MDM1: variants seen among roughly 807,000 people sequenced by gnomAD.
MDM1 encodes the protein Mdm1 nuclear protein.
A neutral mutation model predicts 89.1 loss-of-function variants in MDM1; 61 were observed. The ratio of observed to expected loss-of-function variants is 0.68; its 90% CI spans 0.56 to 0.85. MDM1 has a LOEUF of 0.85. Among genes scored for constraint, MDM1 ranks in the 40% least tolerant of loss-of-function variants. The pLI is 0.00. For synonymous variants in MDM1, 290 were observed against 294.1 expected (o/e 0.99, Z 0.14); for missense variants, 820 against 846.5 (o/e 0.97, Z 0.39).
intron 12 of MDM1, 114 bp from the exon 13 acceptor site, chr12:68,302,986 G>A: frequency 9.0e-6 from 5 of 553,376 alleles, no homozygotes; most frequent in East Asian, 3.6e-5. Flanking sequence ...AGAAATATGA[G>A]AGAATTTATG....
Position 68,325,474 on chromosome 12 carries a change from A to G in MDM1, c.600T>C (p.Ser200=), listed in dbSNP as rs774072229. 5.0e-5 allele frequency: 79 copies of G among 1,595,786 alleles called. No individual in the cohort carries two copies. Among genetic ancestry groups the G allele is most frequent in the Non-Finnish European group, 6.7e-5 (79 of 1,172,398 alleles). The change falls in exon 4 of 15, where the codon TCT becomes TCC. Residue 200 remains serine (S), a synonymous_variant. Coordinates refer to ENST00000682720, the MANE Select transcript of MDM1 (RefSeq NM_001354969.2). Reference sequence around the variant, plus strand: ...CTGCAAAAGCTGGAGCAGTTTCTTTAGAAGTCTTCCAAACAAACTGCCTTT... The same window carrying G: ...CTGCAAAAGCTGGAGCAGTTTCTTTGGAAGTCTTCCAAACAAACTGCCTTT... ...EYQRQFVWKT[S]KETAPAFAAN...
intron 5 of MDM1, 29 bp from the exon 6 acceptor site, chr12:68,321,657 T>TAAAAA: frequency 4.9e-6 from 7 of 1,419,584 alleles, no homozygotes; most frequent in Middle Eastern, 2.4e-4. Flanking sequence ...AAGCTTTTTA[T>TAAAAA]GCTTAAGATG....
chr12:68,315,028 T>C lies in MDM1; in HGVS notation c.1449A>G (p.Lys483=), dbSNP rs778778660. Residue 483 remains lysine (K), a synonymous_variant, in exon 10 of 15, where the codon AAA becomes AAG. Transcript: ENST00000682720. ...CTCCCATAAAAGCCTGCTTGCCCGTTTTCCTGTCCCCTTCCTCTTCATTGT... is the reference window on the plus strand; with the variant it reads ...CTCCCATAAAAGCCTGCTTGCCCGTCTTCCTGTCCCCTTCCTCTTCATTGT... ...EDDNEEEGDR[K]TGKQAFMGEQ... 1.2e-5 allele frequency: 20 copies of C among 1,614,154 alleles called. No individual in the cohort carries two copies. Among genetic ancestry groups the C allele is most frequent in the Non-Finnish European group, 1.7e-5 (20 of 1,180,024 alleles).
At chr12:68,308,756 A>C (rs189172209) in intron 12 of MDM1, among the ~76,000 whole-genome samples, 93 of 152,320 alleles carry the variant, frequency 6.1e-4, no homozygotes, top group Admixed American at 4.7e-3. Flanking sequence ...TAAATATTGA[A>C]TTGAATGAAT....
At chr12:68,317,765 G>GA (rs749648977) in intron 7 of MDM1, among the ~76,000 whole-genome samples, 4 of 152,106 alleles carry the variant, frequency 2.6e-5, no homozygotes, top group African/African-American at 4.8e-5. Flanking sequence ...TAACTCTACT[G>GA]AACTTCTAAC....
At chr12:68,315,557 A>G (rs1433454618) in intron 9 of MDM1, among the ~76,000 whole-genome samples, 1 of 152,204 alleles carries the variant, frequency 6.6e-6, no homozygotes, top group Non-Finnish European at 1.5e-5. Flanking sequence ...CCTAGCCCTA[A>G]ACTGGCATTT....
At chr12:68,324,060 T>A (rs1875610853) in intron 4 of MDM1, among the ~76,000 whole-genome samples, 1 of 152,132 alleles carries the variant, frequency 6.6e-6, no homozygotes, top group African/African-American at 2.4e-5. Context: ...AGCTCTTCAA[T>A]CCATAGACTC....
chr12:68,324,042 T>C (rs1875609415), intron 4 of MDM1, among the ~76,000 whole-genome samples: 1 of 152,166 alleles, frequency 6.6e-6, no homozygotes, highest in African/African-American at 2.4e-5. Flanking sequence ...CATTGAAAGC[T>C]GTCTCAAAGC....
chr12:68,308,934 G>A (rs944364246), intron 12 of MDM1, among the ~76,000 whole-genome samples: 2 of 152,086 alleles, frequency 1.3e-5, no homozygotes, highest in African/African-American at 4.8e-5. Context: ...TTACATAATT[G>A]TGCAGTTTCA....
intron 12 of MDM1, among the ~76,000 whole-genome samples, chr12:68,305,783 T>C (rs1845801017): frequency 6.6e-6 from 1 of 152,142 alleles, no homozygotes. Context: ...TCCACGCCCA[T>C]GGATCGGAAG....
intron 11 of MDM1, 32 bp from the exon 12 acceptor site, chr12:68,313,584 A>G: frequency 6.2e-7 from 1 of 1,607,908 alleles, no homozygotes; most frequent in Non-Finnish European, 8.5e-7. Context: ...TTTCAATTAC[A>G]CTAAATTAAC....
Position 68,323,218 on chromosome 12 carries a change from A to T in MDM1, c.656T>A (p.Phe219Tyr), listed in dbSNP as rs1391974027. The T allele has an allele frequency of 6.3e-7, 1 of 1,584,186 alleles. No homozygotes were observed. Among genetic ancestry groups the T allele is most frequent in the Non-Finnish European group, 8.5e-7 (1 of 1,170,988 alleles). Residue 219 changes from phenylalanine (F) to tyrosine (Y), a missense_variant, in exon 5 of 15, where the codon TTT becomes TAT. Phe to Tyr is a conservative substitution (Grantham distance 22). Transcript: ENST00000682720. The part of the protein sequence containing the change: ...ANQVFHNKSQ[F>Y]VPPFKGNSVI... Reference sequence around the variant, plus strand: ...TGAGTTACCTTTGAATGGTGGAACAAACTGGCTTTTATTGTGGAAAACCTT... The same window carrying T: ...TGAGTTACCTTTGAATGGTGGAACATACTGGCTTTTATTGTGGAAAACCTT...
At position 68,313,477 on chromosome 12, in the gene MDM1, T is replaced by C; in HGVS notation, c.1715A>G (p.Asp572Gly). ...PEQRKRMTSQ[D>G]CLETSKNDFT... ...ATCATTCTTTGAAGTTTCTAAACAA[T>C]CCTGAGAGGTCATTCTTTTCCTCTG... The change falls in exon 12 of 15, where the codon GAT (aspartate) becomes GGT (glycine). Residue 572 changes from aspartate to glycine, a missense_variant. Asp to Gly is a moderately conservative substitution (Grantham distance 94). Coordinates refer to ENST00000682720, the MANE Select transcript of MDM1 (RefSeq NM_001354969.2). 1 of 1,613,974 alleles carries C rather than the reference T, an allele frequency of 6.2e-7. No homozygotes were observed. The highest frequency in any genetic ancestry group is 8.5e-7 in the Non-Finnish European group (1 of 1,179,830).
chr12:68,302,975 G>C, intron 12 of MDM1, 103 bp from the exon 13 acceptor site: 1 of 1,027,222 alleles, frequency 9.7e-7, no homozygotes, highest in Non-Finnish European at 1.4e-6. Context: ...AAAGCAGAAG[G>C]AGAAATATGA....
At chr12:68,308,394 G>A (rs1227699882) in intron 12 of MDM1, among the ~76,000 whole-genome samples, 1 of 152,104 alleles carries the variant, frequency 6.6e-6, no homozygotes, top group African/African-American at 2.4e-5. Flanking sequence ...CCAAACTGCT[G>A]GAATTACAGG....
intron 10 of MDM1, among the ~76,000 whole-genome samples, 161 bp from the exon 11 acceptor site, chr12:68,313,914 G>A (rs1412602457): frequency 6.6e-6 from 1 of 152,126 alleles, no homozygotes; most frequent in African/African-American, 2.4e-5. Flanking sequence ...GGCCGAGGCG[G>A]GCGGATCAGG....
intron 12 of MDM1, among the ~76,000 whole-genome samples, chr12:68,311,701 GCTGTTGTGTCTTCCAT>G (rs1455650374): frequency 6.6e-6 from 1 of 152,108 alleles, no homozygotes; most frequent in Non-Finnish European, 1.5e-5. Context: ...ATACAAACAT[GCTGTTGTGTCTTCCAT>G]CTTGTTCTCA....
intron 7 of MDM1, among the ~76,000 whole-genome samples, chr12:68,317,039 T>G (rs967936887): frequency 1.1e-4 from 16 of 152,194 alleles, no homozygotes; most frequent in Non-Finnish European, 2.4e-4. Flanking sequence ...TCTCAACTTT[T>G]TTTTTTTTAA....
At chr12:68,330,810 C>CA in intron 2 of MDM1, 1 of 309,420 alleles carries the variant, frequency 3.2e-6, no homozygotes, top group Non-Finnish European at 6.0e-6. Context: ...AGGGCACTGG[C>CA]TTTTTTTAGC....
Sources: allele counts gnomAD v4.1 joint callset (sites outside exome capture counted in the v4.1 genomes callset), GRCh38; gene constraint gnomAD v4.1.1; transcripts MANE v1.5; gene names NCBI Gene and HGNC (gene_info 2026-07-23, HGNC 2026-07-21).